Variants in CEMIP2 observed in about 807,000 individuals in gnomAD.
The protein encoded by CEMIP2 is cell surface hyaluronidase CEMIP2.
CEMIP2 carries 79 observed loss-of-function variants against 146.9 expected under a neutral mutation model. The ratio of observed to expected loss-of-function variants is 0.54; its 90% CI spans 0.45 to 0.65. The LOEUF (loss-of-function observed/expected upper bound fraction) is 0.65, where lower values mean the gene tolerates loss of function less well. Ranked by LOEUF, CEMIP2 falls within the 30% of genes least tolerant of loss-of-function variation. CEMIP2 has a pLI of 0.00. For synonymous variants in CEMIP2, 601 were observed against 606.3 expected (o/e 0.99, Z 0.13); for missense variants, 1,596 against 1,696.2 (o/e 0.94, Z 1.04).
intron 5 of CEMIP2, among the ~76,000 whole-genome samples, chr9:71,736,902 G>T (rs528066864): frequency 6.6e-6 from 1 of 152,116 alleles, no homozygotes; most frequent in Non-Finnish European, 1.5e-5. Flanking sequence ...TAGGATGGGC[G>T]TGGTGGCTTA....
chr9:71,748,577 C>T (rs116738869), intron 2 of CEMIP2, among the ~76,000 whole-genome samples: 251 of 152,318 alleles, frequency 1.6e-3, no homozygotes, highest in African/African-American at 5.8e-3. Context: ...TCTAGCATCC[C>T]TTTACTGCAG....
At chr9:71,722,749 C>A (rs1244424668) in intron 11 of CEMIP2, among the ~76,000 whole-genome samples, 3 of 151,842 alleles carry the variant, frequency 2.0e-5, no homozygotes, top group Non-Finnish European at 2.9e-5. Context: ...CTGGTAGGCA[C>A]CCAGTGTTAT....
At chr9:71,723,026 G>A in intron 11 of CEMIP2, among the ~76,000 whole-genome samples, 1 of 150,340 alleles carries the variant, frequency 6.7e-6, no homozygotes. Context: ...GAATGGATTG[G>A]TGGTGCAGGG....
intron 11 of CEMIP2, among the ~76,000 whole-genome samples, chr9:71,723,374 C>T (rs1272435334): frequency 6.7e-6 from 1 of 148,486 alleles, no homozygotes; most frequent in South Asian, 2.1e-4. Context: ...AAAAAGGAGG[C>T]AAATAAGGTA....
At chr9:71,732,257 A>T (rs1433120097) in intron 7 of CEMIP2, 94 bp downstream of exon 7, 1 of 1,258,548 alleles carries the variant, frequency 7.9e-7, no homozygotes, top group East Asian at 2.4e-5. Flanking sequence ...TGCTTTTAAT[A>T]TCCATTTATA....
Position 71,750,260 on chromosome 9 carries a change from A to G in CEMIP2, c.114T>C (p.Pro38=). 6.2e-7 allele frequency: 1 copy of G among 1,613,918 alleles called. No individual in the cohort carries two copies. The highest frequency in any genetic ancestry group is 2.2e-5 in the East Asian group (1 of 44,864). Reference sequence around the variant, plus strand: ...CTGAAGCTTGACTCTTTGGAGGAGGAGGGGGACGCAATGGGACAACCTTCC... The same window carrying G: ...CTGAAGCTTGACTCTTTGGAGGAGGGGGGGGACGCAATGGGACAACCTTCC... ...VPGKVVPLRP[P]PPPKSQASAK... The change falls in exon 2 of 24, where the codon CCT becomes CCC. Residue 38 remains proline (P), a synonymous_variant. Coordinates refer to ENST00000377044, the MANE Select transcript of CEMIP2 (RefSeq NM_013390.3).
At chr9:71,688,447 G>A (rs1193748582) in intron 22 of CEMIP2, among the ~76,000 whole-genome samples, 3 of 151,820 alleles carry the variant, frequency 2.0e-5, no homozygotes, top group Admixed American at 6.6e-5. Flanking sequence ...CTGGAGTTCA[G>A]TGGTACAATC....
At chr9:71,714,528 A>G (rs998234614) in intron 15 of CEMIP2, among the ~76,000 whole-genome samples, 1 of 152,146 alleles carries the variant, frequency 6.6e-6, no homozygotes, top group Non-Finnish European at 1.5e-5. Context: ...TTTTTCCAGT[A>G]GTTATTTCTG....
At chr9:71,746,082 G>A (rs72737992) in intron 3 of CEMIP2, 119 bp downstream of exon 3, 87,266 of 1,113,000 alleles carry the variant, frequency 0.078, 4,259 homozygotes, top group South Asian at 0.19. Flanking sequence ...CATGGTTAGA[G>A]TGACACCACA....
chr9:71,707,333 T>A (rs890977419), intron 17 of CEMIP2, among the ~76,000 whole-genome samples: 4 of 110,060 alleles, frequency 3.6e-5, no homozygotes, highest in African/African-American at 1.8e-4. Flanking sequence ...AAGTATTACT[T>A]TTTTTTTTTA....
Position 71,705,640 on chromosome 9 carries a change from C to G in CEMIP2, c.2986-837G>C, listed in dbSNP as rs527250901. ...CAATTATTTAATACTCTACTGACACCGCTTAAAGATTTAAAATAGACAGGA... is the reference window on the plus strand; with the variant it reads ...CAATTATTTAATACTCTACTGACACGGCTTAAAGATTTAAAATAGACAGGA... On this transcript the variant is annotated intron_variant, in intron 17 of 23. Coordinates refer to ENST00000377044, the MANE Select transcript of CEMIP2 (RefSeq NM_013390.3). 2.6e-5 allele frequency among the ~76,000 whole-genome samples: 4 copies of G among 151,458 alleles called. No individual in the cohort carries two copies. The South Asian group carries it at 6.3e-4, about 24-fold the overall frequency.
At position 71,757,820 on chromosome 9, in the gene CEMIP2, TCCATTGA is replaced by T. The variant is rs200452630; in HGVS notation, c.-12-7442_-12-7436del. Among the ~76,000 whole-genome samples, 6 of 152,296 alleles carry T rather than the reference TCCATTGA, an allele frequency of 3.9e-5. No homozygotes were observed. The East Asian group carries it at 1.2e-3, about 29-fold the overall frequency. ...AGTTTTGTTTTAGATTCAGATTATG[TCCATTGA>T]CAAACAGTGAACTCAACAAATACCC... On this transcript the variant is annotated intron_variant, in intron 1 of 23. Coordinates refer to ENST00000377044, the MANE Select transcript of CEMIP2 (RefSeq NM_013390.3).
rs1822014310 is a variant in CEMIP2, at chr9:71,685,135, C to T, written c.*62G>A. ...GGGTTAACAGTGTCATTTTAAAATG[C>T]CATAAATTAAATAAGTTAGTTCACA... is the stretch of plus-strand genomic sequence containing the variant. On this transcript the variant is annotated 3_prime_UTR_variant, in exon 24 of 24. Coordinates refer to ENST00000377044, the MANE Select transcript of CEMIP2 (RefSeq NM_013390.3). 5 of 1,432,956 alleles carry T rather than the reference C, an allele frequency of 3.5e-6. No homozygotes were observed. Among genetic ancestry groups the T allele is most frequent in the Non-Finnish European group, 4.7e-6 (5 of 1,068,730 alleles). The allele number at this position is 1,432,956 out of a possible 1,614,324, so 88.8% of individuals were successfully genotyped here.
At chr9:71,749,549 T>C (rs1476264502) in intron 2 of CEMIP2, among the ~76,000 whole-genome samples, 1 of 151,632 alleles carries the variant, frequency 6.6e-6, no homozygotes, top group Non-Finnish European at 1.5e-5. Flanking sequence ...CTACTAAAAA[T>C]ACAAAAATTA....
intron 18 of CEMIP2, among the ~76,000 whole-genome samples, chr9:71,701,064 A>G (rs1462349553): frequency 1.3e-5 from 2 of 152,192 alleles, no homozygotes; most frequent in Non-Finnish European, 2.9e-5. Flanking sequence ...ATAGATATAC[A>G]GCAAAAATAT....
At chr9:71,702,928 C>T (rs562726062) in intron 18 of CEMIP2, among the ~76,000 whole-genome samples, 19 of 152,292 alleles carry the variant, frequency 1.2e-4, no homozygotes, top group Admixed American at 6.5e-4. Context: ...ATTGTCATAC[C>T]TCACCTCCAA....
intron 18 of CEMIP2, among the ~76,000 whole-genome samples, chr9:71,702,654 G>A (rs1822606136): frequency 6.6e-6 from 1 of 152,080 alleles, no homozygotes; most frequent in Non-Finnish European, 1.5e-5. Flanking sequence ...TTTCAGAAAT[G>A]GCATTATGAC....
chr9:71,748,723 T>C (rs998847752), intron 2 of CEMIP2, among the ~76,000 whole-genome samples: 1 of 152,214 alleles, frequency 6.6e-6, no homozygotes, highest in Non-Finnish European at 1.5e-5. Flanking sequence ...AAGTTCATAA[T>C]GTGGTCTACT....
chr9:71,739,068 T>G (rs1823841367), intron 5 of CEMIP2, among the ~76,000 whole-genome samples: 1 of 151,990 alleles, frequency 6.6e-6, no homozygotes, highest in Non-Finnish European at 1.5e-5. Context: ...CTGAAGAAAA[T>G]TTTCTACCTC....
Sources: gnomAD v4.1 joint callset for allele counts (sites outside exome capture counted in the v4.1 genomes callset) on GRCh38, gnomAD v4.1.1 for gene constraint, MANE v1.5 for transcripts, NCBI Gene and HGNC (gene_info 2026-07-23, HGNC 2026-07-21) for gene names.